Variants in ADAM23 observed in about 807,000 individuals in gnomAD.
The protein encoded by ADAM23 is ADAM metallopeptidase domain 23, also known as disintegrin and metalloproteinase domain-containing protein 23.
In ADAM23, 33 loss-of-function variants were observed where a neutral mutation model predicts 120.1. The observed-to-expected ratio is 0.27, with a 90% CI of 0.21 to 0.37. The LOEUF (loss-of-function observed/expected upper bound fraction) is 0.37, where lower values mean the gene tolerates loss of function less well. Among genes scored for constraint, ADAM23 ranks in the 10% least tolerant of loss-of-function variants. The pLI is 1.00. For synonymous variants in ADAM23, 367 were observed against 375.2 expected (o/e 0.98, Z 0.25); for missense variants, 862 against 1,058.2 (o/e 0.81, Z 2.57).
intron 3 of ADAM23, among the ~76,000 whole-genome samples, chr2:206,505,250 A>C (rs1696472822): frequency 6.6e-6 from 1 of 152,250 alleles, no homozygotes; most frequent in Non-Finnish European, 1.5e-5. Context: ...ATCCAGGCAA[A>C]ATAACACTAA....
intron 18 of ADAM23, among the ~76,000 whole-genome samples, chr2:206,575,883 AAGTG>A (rs1257923661): frequency 6.6e-6 from 1 of 152,142 alleles, no homozygotes; most frequent in Non-Finnish European, 1.5e-5. Flanking sequence ...CCAATGATGG[AAGTG>A]AGTAAGGAGT....
chr2:206,596,918 T>C (rs1295579486), intron 24 of ADAM23, among the ~76,000 whole-genome samples: 1 of 146,726 alleles, frequency 6.8e-6, no homozygotes, highest in Non-Finnish European at 1.5e-5. Flanking sequence ...TTTTTTTTTT[T>C]TTTTTTTGAG....
At chr2:206,499,810 T>C (rs1014895466) in intron 3 of ADAM23, among the ~76,000 whole-genome samples, 2 of 152,090 alleles carry the variant, frequency 1.3e-5, no homozygotes, top group African/African-American at 4.8e-5. Context: ...TCATGCAGCT[T>C]TGAATTCCTG....
intron 3 of ADAM23, among the ~76,000 whole-genome samples, chr2:206,492,827 C>A (rs767574261): frequency 6.6e-6 from 1 of 152,046 alleles, no homozygotes; most frequent in Non-Finnish European, 1.5e-5. Context: ...TTGGAGGGAC[C>A]TATACATTCA....
intron 4 of ADAM23, among the ~76,000 whole-genome samples, chr2:206,538,373 A>G (rs1300323519): frequency 6.6e-6 from 1 of 152,172 alleles, no homozygotes; most frequent in Non-Finnish European, 1.5e-5. Context: ...GATTTTTAAA[A>G]TAGTTTAGCA....
chr2:206,521,023 A>G (rs947259044), intron 3 of ADAM23, among the ~76,000 whole-genome samples: 1 of 151,908 alleles, frequency 6.6e-6, no homozygotes, highest in African/African-American at 2.4e-5. Context: ...TTTCCTGCCC[A>G]TATTTCCCTG....
intron 2 of ADAM23, 128 bp downstream of exon 2, chr2:206,445,652 A>G (rs1268485116): frequency 5.2e-6 from 4 of 762,732 alleles, no homozygotes; most frequent in East Asian, 5.3e-5. Context: ...TAATATTATG[A>G]TAGGGGAGAA....
chr2:206,553,755 G>C (rs10490515), intron 9 of ADAM23, among the ~76,000 whole-genome samples: 4,129 of 152,196 alleles, frequency 0.027, 153 homozygotes, highest in East Asian at 0.1. Context: ...CATGTTGAAA[G>C]TCAAACTGAA....
intron 18 of ADAM23, among the ~76,000 whole-genome samples, chr2:206,581,463 C>G (rs534867579): frequency 6.6e-6 from 1 of 152,268 alleles, no homozygotes; most frequent in Non-Finnish European, 1.5e-5. Context: ...TAATTTCCAT[C>G]TTGGTTTTGT....
At chr2:206,575,801 A>G (rs956229296) in intron 18 of ADAM23, among the ~76,000 whole-genome samples, 1 of 152,156 alleles carries the variant, frequency 6.6e-6, no homozygotes, top group African/African-American at 2.4e-5. Context: ...TTGCTTATAA[A>G]AGAATGGCAG....
chr2:206,532,430 T>C (rs1003476712), intron 4 of ADAM23, among the ~76,000 whole-genome samples: 2 of 152,066 alleles, frequency 1.3e-5, no homozygotes, highest in South Asian at 2.1e-4. Flanking sequence ...AAATCTGATA[T>C]CAGTTGTAAC....
intron 3 of ADAM23, among the ~76,000 whole-genome samples, chr2:206,517,758 T>C (rs577487655): frequency 6.9e-4 from 105 of 152,290 alleles, no homozygotes; most frequent in Non-Finnish European, 1.3e-3. Flanking sequence ...TTTAGGACTT[T>C]TCTCATATCT....
intron 2 of ADAM23, among the ~76,000 whole-genome samples, chr2:206,458,321 C>A (rs1695342780): frequency 8.7e-6 from 1 of 115,278 alleles, no homozygotes; most frequent in South Asian, 2.8e-4. Flanking sequence ...ACTGCTCTTT[C>A]ATGAATAATG....
chr2:206,579,622 GTGACTA>G (rs1698184040), intron 18 of ADAM23, among the ~76,000 whole-genome samples: 1 of 152,158 alleles, frequency 6.6e-6, no homozygotes, highest in East Asian at 1.9e-4. Context: ...TGCTGTTTTG[GTGACTA>G]TGGCCTTACA....
chr2:206,571,127 A>C (rs1161720914), intron 16 of ADAM23, among the ~76,000 whole-genome samples: 1 of 152,226 alleles, frequency 6.6e-6, no homozygotes, highest in Non-Finnish European at 1.5e-5. Context: ...TTTATAAAAT[A>C]GATTGGGTAT....
intron 3 of ADAM23, among the ~76,000 whole-genome samples, chr2:206,498,972 C>T (rs1235564702): frequency 9.9e-5 from 15 of 152,186 alleles, no homozygotes; most frequent in South Asian, 6.2e-4. Context: ...GTTAGAATGG[C>T]GATCATTAAA....
intron 2 of ADAM23, among the ~76,000 whole-genome samples, chr2:206,477,591 G>A (rs1199437781): frequency 1.3e-5 from 2 of 152,102 alleles, no homozygotes; most frequent in Non-Finnish European, 2.9e-5. Context: ...AACTGATTAT[G>A]ACCTAATATG....
chr2:206,571,811 T>C lies in ADAM23; in HGVS notation c.1651T>C (p.Cys551Arg). Residue 551 changes from cysteine to arginine, a missense_variant, in exon 17 of 26, where the codon TGT becomes CGT. This residue lies in a region of ADAM23 where 617 missense variants were observed against 813.5 expected (regional missense o/e 0.76). Coordinates refer to ENST00000264377, the MANE Select transcript of ADAM23 (RefSeq NM_003812.4). ...CGGGCCCTGCTGTAACAATACCTCATGTCTTGTGAGTTTTCTGACAGTTTC... is the reference window on the plus strand; with the variant it reads ...CGGGCCCTGCTGTAACAATACCTCACGTCTTGTGAGTTTTCTGACAGTTTC... ...SDGPCCNNTS[C>R]LFQPRGYECR... The C allele has an allele frequency of 1.2e-6, 2 of 1,612,922 alleles. No individual in the cohort carries two copies. The highest frequency in any genetic ancestry group is 1.7e-6 in the Non-Finnish European group (2 of 1,178,890).
chr2:206,594,897 G>A lies in ADAM23; in HGVS notation c.2239G>A (p.Gly747Ser), dbSNP rs1348207025. The A allele has an allele frequency of 1.2e-6, 2 of 1,613,952 alleles. No individual in the cohort carries two copies. The highest frequency in any genetic ancestry group is 3.3e-5 in the Admixed American group (2 of 60,000). The change falls in exon 23 of 26, where the codon GGC (glycine) becomes AGC (serine). Residue 747 changes from glycine (G) to serine (S), a missense_variant. Physicochemically the swap from Gly to Ser is moderately conservative, Grantham distance 56. This residue lies in a region of ADAM23 where 617 missense variants were observed against 813.5 expected (regional missense o/e 0.76). Transcript: ENST00000264377. ...PLDSKGKVCS[G>S]HGVCSNEATC... ...CGATTCCAAGGGTAAAGTCTGTTCG[G>A]GCCATGGGGTAAGTAGGTATCAATG...
Sources: allele counts gnomAD v4.1 joint callset (sites outside exome capture counted in the v4.1 genomes callset), GRCh38; gene constraint gnomAD v4.1.1; regional missense constraint gnomAD v4.1.1; transcripts MANE v1.5; gene names NCBI Gene and HGNC (gene_info 2026-07-23, HGNC 2026-07-21).